WDPCP: variants seen among roughly 807,000 people sequenced by gnomAD.
WDPCP encodes the protein WD repeat-containing and planar cell polarity effector protein fritz homolog.
In WDPCP, 71 loss-of-function variants were observed where a neutral mutation model predicts 93.1. The ratio of observed to expected loss-of-function variants is 0.76; its 90% CI spans 0.63 to 0.93. The LOEUF is 0.93. Ranked by LOEUF, WDPCP falls within the 40% of genes least tolerant of loss-of-function variation. The probability of loss-of-function intolerance (pLI) is 0.00; values close to 1 mark genes in which losing one functional copy is unlikely to be tolerated. For synonymous variants in WDPCP, 315 were observed against 315.0 expected, an observed-to-expected ratio of 1.00 and a Z score of 0.00; for missense variants, 844 against 887.4, an observed-to-expected ratio of 0.95 and a Z score of 0.62.
At chr2:63,204,502 C>T (rs775670044) in intron 14 of WDPCP, among the ~76,000 whole-genome samples, 13 of 151,740 alleles carry the variant, frequency 8.6e-5, no homozygotes, top group South Asian at 4.2e-4. Flanking sequence ...CCACCACGCC[C>T]GGATAATTTT....
At chr2:63,825,145 G>C (rs905095238) in intron 1 of WDPCP, among the ~76,000 whole-genome samples, 1 of 152,044 alleles carries the variant, frequency 6.6e-6, no homozygotes, top group Non-Finnish European at 1.5e-5. Context: ...AATAAATGCC[G>C]GTGAATACAG....
chr2:63,158,624 A>G (rs1034973050), intron 15 of WDPCP, among the ~76,000 whole-genome samples: 1 of 152,002 alleles, frequency 6.6e-6, no homozygotes. Flanking sequence ...GTATATATAT[A>G]TTTTTCAGCA....
intron 14 of WDPCP, among the ~76,000 whole-genome samples, chr2:63,214,335 C>T (rs1283972847): frequency 6.6e-6 from 1 of 152,114 alleles, no homozygotes; most frequent in African/African-American, 2.4e-5. Context: ...AATCAATAAA[C>T]ATAATCCATT....
At chr2:63,260,794 C>T (rs569198364) in intron 13 of WDPCP, among the ~76,000 whole-genome samples, 3 of 152,228 alleles carry the variant, frequency 2.0e-5, no homozygotes, top group African/African-American at 4.8e-5. Flanking sequence ...GTGATCTGCC[C>T]GCCTCGGCCT....
chr2:63,218,250 TG>T (rs1342014779), intron 14 of WDPCP, among the ~76,000 whole-genome samples: 2 of 152,172 alleles, frequency 1.3e-5, no homozygotes, highest in African/African-American at 4.8e-5. Context: ...GAATATATTA[TG>T]CTTTCCTGTA....
At chr2:63,486,707 A>G in intron 3 of WDPCP, 121 bp from the exon 4 acceptor site, 1 of 832,990 alleles carries the variant, frequency 1.2e-6, no homozygotes, top group Admixed American at 2.9e-5. Flanking sequence ...TGCATTATTG[A>G]GATTAATAAA....
At chr2:63,493,036 C>A in intron 1 of WDPCP, 96 bp from the exon 2 acceptor site, 1 of 1,036,680 alleles carries the variant, frequency 9.6e-7, no homozygotes, top group South Asian at 1.4e-5. Context: ...AATCATTCGC[C>A]ACAACTGTTA....
chr2:63,590,097 C>A (rs1431049318), upstream of WDPCP: 3 of 152,292 alleles, frequency 2.0e-5, no homozygotes, highest in African/African-American at 7.2e-5. Flanking sequence ...AGGTGTTAAA[C>A]CTAGGTTTCC....
chr2:63,437,375 A>G (rs748860941), intron 8 of WDPCP, 46 bp downstream of exon 8: 1 of 1,456,010 alleles, frequency 6.9e-7, no homozygotes, highest in South Asian at 1.3e-5. Context: ...ATACTCTCAT[A>G]TACCTTAATA....
At chr2:63,607,622 A>G (rs1421609066) in intron 3 of WDPCP, among the ~76,000 whole-genome samples, 1 of 151,324 alleles carries the variant, frequency 6.6e-6, no homozygotes, top group East Asian at 2.0e-4. Context: ...CTACGTCAGG[A>G]GATCGAGACC....
At chr2:63,792,663 T>C (rs553812764) in intron 2 of WDPCP, among the ~76,000 whole-genome samples, 2 of 152,184 alleles carry the variant, frequency 1.3e-5, no homozygotes, top group South Asian at 4.2e-4. Flanking sequence ...TTTGAGAAAT[T>C]GCAAGTAGTC....
intron 1 of WDPCP, among the ~76,000 whole-genome samples, chr2:63,511,378 C>T (rs909278386): frequency 3.6e-4 from 55 of 152,128 alleles, no homozygotes; most frequent in South Asian, 2.1e-4. Context: ...ACTTTCTTCA[C>T]AGAATTAGAA....
At chr2:63,485,089 A>C in intron 4 of WDPCP, 102 bp from the exon 5 acceptor site, 2 of 1,195,746 alleles carry the variant, frequency 1.7e-6, no homozygotes, top group South Asian at 1.3e-5. Flanking sequence ...CACCTCTATA[A>C]TCGAGAGGAA....
chr2:63,394,557 A>G (rs561399444), intron 10 of WDPCP, among the ~76,000 whole-genome samples: 1 of 152,330 alleles, frequency 6.6e-6, no homozygotes, highest in South Asian at 2.1e-4. Flanking sequence ...AAAGAAATAT[A>G]AATTGTTCTA....
intron 17 of WDPCP, among the ~76,000 whole-genome samples, chr2:63,139,132 CATGT>C (rs1399596020): frequency 6.7e-6 from 1 of 150,052 alleles, no homozygotes; most frequent in East Asian, 2.0e-4. Flanking sequence ...CACATATATA[CATGT>C]ATGTGTGTGT....
chr2:63,807,739 A>G (rs1199392186), intron 2 of WDPCP, among the ~76,000 whole-genome samples: 1 of 152,214 alleles, frequency 6.6e-6, no homozygotes, highest in Non-Finnish European at 1.5e-5. Flanking sequence ...CACTTCTCAA[A>G]TTGTGAATAA....
At chr2:63,491,181 A>G (rs1700851781) in intron 2 of WDPCP, among the ~76,000 whole-genome samples, 1 of 152,124 alleles carries the variant, frequency 6.6e-6, no homozygotes, top group African/African-American at 2.4e-5. Context: ...TCATGGATTT[A>G]GTATTTTTCC....
chr2:63,594,716 T>G (rs372320261), intron 3 of WDPCP: 6 of 661,534 alleles, frequency 9.1e-6, no homozygotes, highest in Non-Finnish European at 1.6e-5. Context: ...AATAGGCACA[T>G]TGCTATAAAT....
chr2:63,363,489 T>G (rs1316773667), intron 12 of WDPCP, among the ~76,000 whole-genome samples: 2 of 151,998 alleles, frequency 1.3e-5, no homozygotes. Context: ...TCCCAGCTAC[T>G]CGGGAGGCTA....
Sources: allele counts gnomAD v4.1 joint callset (sites outside exome capture counted in the v4.1 genomes callset), GRCh38; gene constraint gnomAD v4.1.1; transcripts MANE v1.5; gene names NCBI Gene and HGNC (gene_info 2026-07-23, HGNC 2026-07-21).